COL24A1: variants seen among roughly 807,000 people sequenced by gnomAD.
The protein encoded by COL24A1 is collagen type XXIV alpha 1 chain, also known as collagen alpha-1(XXIV) chain.
A neutral mutation model predicts 253.9 loss-of-function variants in COL24A1; 224 were observed. The observed-to-expected ratio is 0.88, with a 90% CI of 0.79 to 0.99. The LOEUF is 0.99. Ranked by LOEUF, COL24A1 falls within the 50% of genes least tolerant of loss-of-function variation. COL24A1 has a pLI of 0.00. For missense variants in COL24A1, 2,131 were observed against 2,068.5 expected, an observed-to-expected ratio of 1.03 and a Z score of -0.59; for synonymous variants, 685 against 673.7, an observed-to-expected ratio of 1.02 and a Z score of -0.26.
intron 19 of COL24A1, among the ~76,000 whole-genome samples, chr1:86,003,467 GAAT>G (rs1392166808): frequency 3.3e-5 from 5 of 152,112 alleles, no homozygotes; most frequent in Non-Finnish European, 4.4e-5. Flanking sequence ...ATAACTACAG[GAAT>G]ATGTGTTAGG....
chr1:85,927,228 C>T (rs974977422), intron 24 of COL24A1, among the ~76,000 whole-genome samples: 37 of 152,214 alleles, frequency 2.4e-4, no homozygotes, highest in Admixed American at 9.8e-4. Context: ...GTGTGCGCAC[C>T]GTGCGCGAGC....
At chr1:85,933,014 C>T (rs1474282682) in intron 24 of COL24A1, among the ~76,000 whole-genome samples, 1 of 131,542 alleles carries the variant, frequency 7.6e-6, no homozygotes, top group Non-Finnish European at 1.6e-5. Flanking sequence ...GTGCAGCGCA[C>T]CAGCATGGCA....
chr1:85,901,513 A>G (rs1684288046), intron 28 of COL24A1, among the ~76,000 whole-genome samples: 1 of 152,142 alleles, frequency 6.6e-6, no homozygotes, highest in Non-Finnish European at 1.5e-5. Context: ...GATTTCTCAT[A>G]AAACTAAAAA....
chr1:86,057,076 C>A (rs1477591810), intron 10 of COL24A1, among the ~76,000 whole-genome samples: 1 of 152,042 alleles, frequency 6.6e-6, no homozygotes, highest in East Asian at 1.9e-4. Flanking sequence ...GGAGGTGTGG[C>A]CTGGTGGGAA....
At chr1:85,848,510 A>G (rs1245963849) in intron 38 of COL24A1, among the ~76,000 whole-genome samples, 2 of 152,102 alleles carry the variant, frequency 1.3e-5, no homozygotes, top group Non-Finnish European at 2.9e-5. Context: ...GGGTTTCACC[A>G]TGTTGGCCAG....
intron 55 of COL24A1, among the ~76,000 whole-genome samples, chr1:85,758,622 A>G (rs943653332): frequency 1.3e-5 from 2 of 152,112 alleles, no homozygotes; most frequent in African/African-American, 4.8e-5. Context: ...TAGAGAACTG[A>G]GCAAGTTACT....
rs148900552 is a variant in COL24A1, at chr1:86,034,996, G to A, written c.1951-1073C>T. On this transcript the variant is annotated intron_variant, in intron 12 of 59. Coordinates refer to ENST00000370571, the MANE Select transcript of COL24A1 (RefSeq NM_152890.7). ...ATAATCTCTTTACATAGGCAAGTCAGTATTAAATATTATGTTTAACAGACT... is the reference window on the plus strand; with the variant it reads ...ATAATCTCTTTACATAGGCAAGTCAATATTAAATATTATGTTTAACAGACT... Among the ~76,000 whole-genome samples the A allele has an allele frequency of 9.3e-3, 1,408 of 152,190 alleles. 7 individuals carry two copies. The highest frequency in any genetic ancestry group is 0.024 in the Middle Eastern group (7 of 294).
chr1:85,974,566 A>T (rs1692474403), intron 20 of COL24A1, among the ~76,000 whole-genome samples: 1 of 152,172 alleles, frequency 6.6e-6, no homozygotes, highest in South Asian at 2.1e-4. Flanking sequence ...ATATTTATAG[A>T]TGGTAAAAGC....
intron 55 of COL24A1, among the ~76,000 whole-genome samples, chr1:85,755,434 GA>G (rs1483218074): frequency 6.6e-6 from 1 of 151,948 alleles, no homozygotes; most frequent in African/African-American, 2.4e-5. Flanking sequence ...AAATAATTTT[GA>G]AAAAAGAAGT....
chr1:86,088,214 T>A (rs1329948387), intron 7 of COL24A1, among the ~76,000 whole-genome samples: 1 of 152,118 alleles, frequency 6.6e-6, no homozygotes, highest in Non-Finnish European at 1.5e-5. Flanking sequence ...CTGCCCAAAG[T>A]TGATGGAACC....
chr1:85,997,613 T>C (rs1694958955), intron 19 of COL24A1, among the ~76,000 whole-genome samples: 1 of 152,010 alleles, frequency 6.6e-6, no homozygotes, highest in Non-Finnish European at 1.5e-5. Context: ...TGAAACCTCA[T>C]CTCTACTAAA....
At chr1:86,076,875 G>A (rs1047937776) in intron 7 of COL24A1, among the ~76,000 whole-genome samples, 1 of 152,100 alleles carries the variant, frequency 6.6e-6, no homozygotes, top group African/African-American at 2.4e-5. Flanking sequence ...TGTTAGACCT[G>A]AAACCATAAA....
intron 24 of COL24A1, chr1:85,960,811 G>C (rs552488036): frequency 6.1e-6 from 1 of 164,292 alleles, no homozygotes; most frequent in African/African-American, 2.4e-5. Context: ...TTGAACCCGG[G>C]AGGCAGAGGA....
At chr1:86,075,324 C>A (rs141249906) in intron 7 of COL24A1, among the ~76,000 whole-genome samples, 1 of 152,070 alleles carries the variant, frequency 6.6e-6, no homozygotes, top group Non-Finnish European at 1.5e-5. Context: ...CACATACACC[C>A]TCCCAAGACT....
rs1229488944 is a variant in COL24A1 at position 85,734,799 on chromosome 1, A to G, written c.4948T>C (p.Phe1650Leu). The G allele has an allele frequency of 4.3e-6, 7 of 1,614,100 alleles. No homozygotes were observed. The highest frequency in any genetic ancestry group is 5.9e-6 in the Non-Finnish European group (7 of 1,180,044). ...GGTTCAAGTAGAGTGTTTACTTTAA[A>G]AATCTGGCCATTCCATCCCTTGAAA... The part of the protein sequence containing the change: ...IGFKGWNGQI[F>L]KVNTLLEPKV... Residue 1650 changes from phenylalanine (F) to leucine (L), a missense_variant, in exon 59 of 60, where the codon TTT becomes CTT. Physicochemically the swap from Phe to Leu is conservative, Grantham distance 22. Transcript: ENST00000370571.
At chr1:85,997,070 T>TATATATATATATATATATATAC (rs1558945584) in intron 19 of COL24A1, among the ~76,000 whole-genome samples, 12 of 139,378 alleles carry the variant, frequency 8.6e-5, no homozygotes, top group Non-Finnish European at 1.1e-4. Context: ...TATATATATA[T>TATATATATATATATATATATAC]ATATATATAT....
chr1:85,858,257 G>A (rs1178748500), intron 37 of COL24A1, among the ~76,000 whole-genome samples: 3 of 152,232 alleles, frequency 2.0e-5, no homozygotes, highest in African/African-American at 7.2e-5. Context: ...CCTTCCAAAT[G>A]ACTGTCCATT....
At chr1:86,005,265 C>A (rs1695833773) in intron 19 of COL24A1, among the ~76,000 whole-genome samples, 1 of 151,996 alleles carries the variant, frequency 6.6e-6, no homozygotes, top group Non-Finnish European at 1.5e-5. Flanking sequence ...CCAAACTTTG[C>A]ACCTGATAAT....
intron 8 of COL24A1, among the ~76,000 whole-genome samples, chr1:86,062,383 A>C (rs993692297): frequency 6.6e-6 from 1 of 150,438 alleles, no homozygotes; most frequent in Admixed American, 6.6e-5. Context: ...CTCATAGTTA[A>C]CACAAATTTT....
Sources: allele counts gnomAD v4.1 joint callset (sites outside exome capture counted in the v4.1 genomes callset), GRCh38; gene constraint gnomAD v4.1.1; transcripts MANE v1.5; gene names NCBI Gene and HGNC (gene_info 2026-07-23, HGNC 2026-07-21).